BRD3: variants seen among roughly 807,000 people sequenced by gnomAD.
BRD3 encodes the protein bromodomain-containing protein 3.
A neutral mutation model predicts 66.8 loss-of-function variants in BRD3; 17 were observed. The ratio of observed to expected loss-of-function variants is 0.25; its 90% CI spans 0.17 to 0.38. The LOEUF is 0.38. Ranked by LOEUF, BRD3 falls within the 10% of genes least tolerant of loss-of-function variation. The pLI, the probability that BRD3 is intolerant of heterozygous loss-of-function variation, is 1.00. For missense variants in BRD3, 713 were observed against 956.1 expected (o/e 0.75, Z 3.35); for synonymous variants, 421 against 393.2 (o/e 1.07, Z -0.84).
At chr9:134,039,951 C>T (rs1339884203) in intron 9 of BRD3, 83 bp downstream of exon 9, 11 of 1,502,308 alleles carry the variant, frequency 7.3e-6, no homozygotes, top group Non-Finnish European at 9.7e-6. Context: ...CACAAAGCCC[C>T]CAATCCCAGC....
intron 5 of BRD3, among the ~76,000 whole-genome samples, chr9:134,048,946 G>A (rs1301946610): frequency 2.0e-5 from 3 of 152,170 alleles, no homozygotes; most frequent in African/African-American, 2.4e-5. Flanking sequence ...GGGACAAGAG[G>A]GAGGCAGGAG....
At chr9:134,048,909 G>A (rs1192815088) in intron 5 of BRD3, among the ~76,000 whole-genome samples, 1 of 152,196 alleles carries the variant, frequency 6.6e-6, no homozygotes, top group Non-Finnish European at 1.5e-5. Flanking sequence ...TGAGAGCGGG[G>A]GCTCCGCGGA....
At chr9:134,064,430 C>T (rs1277755370) in intron 1 of BRD3, among the ~76,000 whole-genome samples, 1 of 151,938 alleles carries the variant, frequency 6.6e-6, no homozygotes, top group Non-Finnish European at 1.5e-5. Context: ...ATCCCAGCTA[C>T]TTGGCAGGCT....
rs1564555934 is a variant in BRD3 at position 134,051,891 on chromosome 9, T to TG, written c.352-183_352-182insC. On this transcript the variant is annotated intron_variant, in intron 3 of 11. Transcript: ENST00000303407. Reference sequence around the variant, plus strand: ...TGTGTGTGTGTGTTGTTTTTTTTGTTTTTTTTTTTTTTTTTTTGAGATGGA... The same window carrying TG: ...TGTGTGTGTGTGTTGTTTTTTTTGTTGTTTTTTTTTTTTTTTTTGAGATGGA... Among the ~76,000 whole-genome samples, 344 of 101,320 alleles carry TG rather than the reference T, an allele frequency of 3.4e-3. 7 individuals carry two copies. The highest frequency in any genetic ancestry group is 0.019 in the African/African-American group (327 of 16,810). 66.5% of individuals were successfully genotyped at this position (101,320 alleles called of 152,430 possible). A position where few individuals can be genotyped will look rare whatever the true frequency, so the allele number is the denominator to read the frequency against.
intron 3 of BRD3, among the ~76,000 whole-genome samples, 171 bp from the exon 4 acceptor site, chr9:134,051,880 G>GT (rs777755860): frequency 7.0e-5 from 8 of 113,630 alleles, no homozygotes; most frequent in East Asian, 5.1e-4. Context: ...TGTGTGTGTT[G>GT]TTTTTTTTGT....
intron 7 of BRD3, among the ~76,000 whole-genome samples, chr9:134,044,914 G>A (rs117572863): frequency 0.013 from 1,999 of 152,318 alleles, 17 homozygotes; most frequent in Non-Finnish European, 0.019. Flanking sequence ...TGCACTGACA[G>A]GCTAGTGTCC....
chr9:134,064,318 A>G (rs1019779191), intron 1 of BRD3, among the ~76,000 whole-genome samples: 16 of 152,248 alleles, frequency 1.1e-4, no homozygotes, highest in Non-Finnish European at 8.8e-5. Context: ...ACCTGAGGTC[A>G]GGAGTTCAAG....
At chr9:134,044,169 C>T (rs1244134063) in intron 7 of BRD3, among the ~76,000 whole-genome samples, 1 of 152,184 alleles carries the variant, frequency 6.6e-6, no homozygotes, top group Admixed American at 6.5e-5. Flanking sequence ...AGGGTTCTGA[C>T]GGCTTCCTCT....
chr9:134,038,032 C>T (rs559225652), intron 9 of BRD3, among the ~76,000 whole-genome samples: 232 of 152,326 alleles, frequency 1.5e-3, no homozygotes, highest in Non-Finnish European at 2.9e-3. Context: ...AAAAACCTTC[C>T]AACAATCAAA....
intron 11 of BRD3, among the ~76,000 whole-genome samples, chr9:134,034,356 C>T (rs932784669): frequency 5.3e-5 from 8 of 152,200 alleles, no homozygotes; most frequent in Non-Finnish European, 1.0e-4. Context: ...GATGCCACTG[C>T]CAGGGAACAG....
At chr9:134,060,073 C>G (rs181730137) in intron 1 of BRD3, among the ~76,000 whole-genome samples, 24 of 152,312 alleles carry the variant, frequency 1.6e-4, no homozygotes, top group Non-Finnish European at 1.2e-4. Context: ...GTCTCCCACT[C>G]AGCTGCCCAC....
At position 134,035,117 on chromosome 9, in the gene BRD3, G is replaced by A. The variant is rs143824662; in HGVS notation, c.1937-288C>T. On this transcript the variant is annotated intron_variant, in intron 10 of 11. Transcript: ENST00000303407. ...GGCCATTCCTATGGCGCAAACAGGT[G>A]CACGGACAGGATGCGGTTTGGCCAA... Among the ~76,000 whole-genome samples, 10 of 152,322 alleles carry A rather than the reference G, an allele frequency of 6.6e-5. No homozygotes were observed. The East Asian group carries it at 1.9e-3, about 29-fold the overall frequency.
rs1005114114 is a variant in BRD3, at chr9:134,052,215, C to A, written c.351+91G>T. On this transcript the variant is annotated intron_variant, in intron 3 of 11. Transcript: ENST00000303407. Reference sequence around the variant, plus strand: ...GCCAGGTGAAGCGCTTTGGGCCTGCCCAAGAGCTGCTGCAAAGCGCCCAGG... The same window carrying A: ...GCCAGGTGAAGCGCTTTGGGCCTGCACAAGAGCTGCTGCAAAGCGCCCAGG... The A allele has an allele frequency of 3.3e-6, 5 of 1,520,012 alleles. No individual in the cohort carries two copies. The African/African-American group carries it at 6.9e-5, about 21-fold the overall frequency. The allele number at this position is 1,520,012 out of a possible 1,614,324, so 94.2% of individuals were successfully genotyped here.
chr9:134,050,240 G>A, intron 5 of BRD3, 134 bp downstream of exon 5: 2 of 779,866 alleles, frequency 2.6e-6, no homozygotes, highest in Non-Finnish European at 4.1e-6. Flanking sequence ...TGAGCTCCCA[G>A]GGCGCAGAGA....
At position 134,045,178 on chromosome 9, in the gene BRD3, G is replaced by C; in HGVS notation, c.1215+115C>G. 1 of 1,397,892 alleles carries C rather than the reference G, an allele frequency of 7.2e-7. No individual in the cohort carries two copies. The highest frequency in any genetic ancestry group is 9.7e-7 in the Non-Finnish European group (1 of 1,035,928). The allele number at this position is 1,397,892 out of a possible 1,614,324, so 86.6% of individuals were successfully genotyped here. A position where few individuals can be genotyped will look rare whatever the true frequency, so the allele number is the denominator to read the frequency against. On this transcript the variant is annotated intron_variant, in intron 7 of 11. Transcript: ENST00000303407. The surrounding 1 kb of genome is among the most constrained non-coding windows in gnomAD (Gnocchi z 4.8). ...CGGGAAAAAGGTGTTGAGGGAATGA[G>C]GCTCTCTAAGGCCTTCCTCGGCTGG...
At chr9:134,060,343 C>T (rs574709048) in intron 1 of BRD3, among the ~76,000 whole-genome samples, 61 of 152,288 alleles carry the variant, frequency 4.0e-4, no homozygotes, top group Non-Finnish European at 7.6e-4. Flanking sequence ...AGGCCTGTGA[C>T]CCCAGCACCT....
In BRD3 at chr9:134,040,191, CCTTCTTCTCCTTCTT is replaced by C; in HGVS notation, c.1471_1485del (p.Lys491_Lys495del). ...TTGTCCTTCTTCTTCTTCTCCTTCTCCTTCTTCTCCTTCTTCTTCTTTGGTTTGTTTACTGGGGCC... is the reference window on the plus strand; with the variant it reads ...TTGTCCTTCTTCTTCTTCTCCTTCTCCTTCTTTGGTTTGTTTACTGGGGCC... On this transcript the variant is annotated inframe_deletion, in exon 9 of 12. Transcript: ENST00000303407. 1 of 1,570,466 alleles carries C rather than the reference CCTTCTTCTCCTTCTT, an allele frequency of 6.4e-7. No individual in the cohort carries two copies. Among genetic ancestry groups the C allele is most frequent in the Non-Finnish European group, 8.6e-7 (1 of 1,158,006 alleles).
In BRD3 at chr9:134,040,035, TG is replaced by T; in HGVS notation, c.1641del (p.Arg548AspfsTer3). On this transcript the variant is annotated frameshift_variant and splice_region_variant, in exon 9 of 12. Coordinates refer to ENST00000303407, the MANE Select transcript of BRD3 (RefSeq NM_007371.4). LOFTEE classifies it high-confidence loss of function. ...AGCCCGAGCAGGTCTGGAGCCCACCTGCCGGCCGTGGTCGTGCTGTTGGCCT... is the reference window on the plus strand; with the variant it reads ...AGCCCGAGCAGGTCTGGAGCCCACCTCCGGCCGTGGTCGTGCTGTTGGCCT... ...AKKANSTTTA[G>X]RQLKKGGKQA... 1.3e-6 allele frequency: 2 copies of T among 1,586,850 alleles called. No individual in the cohort carries two copies. The highest frequency in any genetic ancestry group is 1.1e-5 in the South Asian group (1 of 87,616).
rs548963663 is a variant in BRD3 at position 134,053,581 on chromosome 9, C to T, written c.-104G>A. The stretch of plus-strand genomic sequence containing the variant: ...GCGACGTCCCATTTCCGGGCCCAAC[C>T]AGGCGACAGCTGCAGAGGAGGAAGC... On this transcript the variant is annotated 5_prime_UTR_variant, in exon 2 of 12. It introduces an in-frame stop codon into an upstream open reading frame of the 5' UTR. Transcript: ENST00000303407. 1.4e-6 allele frequency: 2 copies of T among 1,447,070 alleles called. No homozygotes were observed. The highest frequency in any genetic ancestry group is 2.8e-5 in the African/African-American group (2 of 70,342). The allele number at this position is 1,447,070 out of a possible 1,614,324, so 89.6% of individuals were successfully genotyped here.
Sources: allele counts gnomAD v4.1 joint callset (sites outside exome capture counted in the v4.1 genomes callset), GRCh38; gene constraint gnomAD v4.1.1; non-coding constraint Gnocchi (gnomAD v3.1); transcripts MANE v1.5; gene names NCBI Gene and HGNC (gene_info 2026-07-23, HGNC 2026-07-21).